STPG2: variants seen among roughly 807,000 people sequenced by gnomAD.
STPG2 encodes sperm tail PG-rich repeat containing 2.
A neutral mutation model predicts 54.2 loss-of-function variants in STPG2; 56 were observed. The ratio of observed to expected loss-of-function variants is 1.03; its 90% CI spans 0.83 to 1.29. The LOEUF (loss-of-function observed/expected upper bound fraction) is 1.29. Ranked by LOEUF, STPG2 falls within the 50% of genes most tolerant of loss-of-function variation. The pLI is 0.00. For missense variants in STPG2, 596 were observed against 544.9 expected (o/e 1.09, Z -0.93); for synonymous variants, 200 against 181.8 (o/e 1.10, Z -0.81).
At chr4:97,942,315 AGT>A (rs1471259408) in intron 8 of STPG2, among the ~76,000 whole-genome samples, 1 of 152,046 alleles carries the variant, frequency 6.6e-6, no homozygotes, top group African/African-American at 2.4e-5. Context: ...GTAATAAATT[AGT>A]CATGGCATAC....
chr4:98,103,573 G>A (rs537283027), intron 5 of STPG2, among the ~76,000 whole-genome samples: 92 of 151,818 alleles, frequency 6.1e-4, no homozygotes, highest in Admixed American at 8.5e-4. Flanking sequence ...CCCAGGAGGC[G>A]GAGGTTGCAG....
At chr4:97,620,240 G>A (rs1043428005) in intron 10 of STPG2, among the ~76,000 whole-genome samples, 1 of 152,158 alleles carries the variant, frequency 6.6e-6, no homozygotes, top group Non-Finnish European at 1.5e-5. Context: ...ATGTAACAAA[G>A]TCTTAATAAA....
rs779834162 is a variant in STPG2 at position 97,531,953 on chromosome 4, C to T, written c.462+180746G>A. Among the ~76,000 whole-genome samples, 18 of 152,072 alleles carry T rather than the reference C, an allele frequency of 1.2e-4. No homozygotes were observed. The East Asian group carries it at 2.3e-3, about 20-fold the overall frequency. On this transcript the variant is annotated intron_variant, in intron 4 of 4. Transcript: ENST00000522676. Reference sequence around the variant, plus strand: ...TGATGTGGTTATTACACATAAAATGCCTGTATCAAAATATCTAATGTACTC... The same window carrying T: ...TGATGTGGTTATTACACATAAAATGTCTGTATCAAAATATCTAATGTACTC...
At chr4:97,563,072 T>C (rs2148876175) in intron 10 of STPG2, among the ~76,000 whole-genome samples, 1 of 152,322 alleles carries the variant, frequency 6.6e-6, no homozygotes. Context: ...CATCTGGTCC[T>C]GGACTCTTTT....
At chr4:97,707,792 T>C (rs989245892) in intron 10 of STPG2, among the ~76,000 whole-genome samples, 3 of 151,988 alleles carry the variant, frequency 2.0e-5, no homozygotes, top group Non-Finnish European at 2.9e-5. Context: ...TAAGGTAGCA[T>C]AGAATCGAAG....
At chr4:97,504,098 TAATA>T (rs925193387) in intron 4 of STPG2, among the ~76,000 whole-genome samples, 181 of 145,692 alleles carry the variant, frequency 1.2e-3, no homozygotes, top group Admixed American at 2.6e-3. Context: ...ATTTAATATT[TAATA>T]AATAAATAAA....
chr4:98,142,314 G>T (rs953830394), intron 1 of STPG2, among the ~76,000 whole-genome samples: 2 of 152,050 alleles, frequency 1.3e-5, no homozygotes, highest in African/African-American at 4.8e-5. Context: ...GGAAAATGTA[G>T]GTTAAGAAAA....
chr4:97,540,150 G>GAC (rs1428753753), intron 4 of STPG2, among the ~76,000 whole-genome samples: 6 of 151,548 alleles, frequency 4.0e-5, no homozygotes, highest in African/African-American at 1.5e-4. Context: ...AGGAGACAGA[G>GAC]ACAAAAAACC....
At chr4:97,890,795 C>T (rs1730739851) in intron 8 of STPG2, among the ~76,000 whole-genome samples, 1 of 151,566 alleles carries the variant, frequency 6.6e-6, no homozygotes, top group Non-Finnish European at 1.5e-5. Flanking sequence ...ACATATGCCC[C>T]CAAAATATGT....
chr4:97,580,860 G>A (rs1383061519), intron 10 of STPG2, among the ~76,000 whole-genome samples: 1 of 151,892 alleles, frequency 6.6e-6, no homozygotes, highest in African/African-American at 2.4e-5. Flanking sequence ...TGGAGATACA[G>A]GTATTTCAAA....
chr4:98,138,467 T>G (rs1393512918), intron 1 of STPG2, among the ~76,000 whole-genome samples: 1 of 152,034 alleles, frequency 6.6e-6, no homozygotes, highest in Non-Finnish European at 1.5e-5. Flanking sequence ...GCAATAAAAG[T>G]CAGTCTACGC....
chr4:97,866,929 T>A (rs1729808856), intron 8 of STPG2, among the ~76,000 whole-genome samples: 1 of 151,966 alleles, frequency 6.6e-6, no homozygotes, highest in Non-Finnish European at 1.5e-5. Context: ...CTTGGGCATT[T>A]GGCTTCCTGA....
intron 7 of STPG2, among the ~76,000 whole-genome samples, chr4:97,966,535 T>C (rs767701332): frequency 1.3e-5 from 2 of 152,030 alleles, no homozygotes; most frequent in Admixed American, 6.6e-5. Flanking sequence ...ACAACAAATA[T>C]ACTTCTTGAG....
intron 5 of STPG2, among the ~76,000 whole-genome samples, chr4:98,093,659 T>C (rs1028980250): frequency 2.6e-5 from 4 of 152,160 alleles, no homozygotes; most frequent in African/African-American, 9.7e-5. Context: ...AGGCAGGGGA[T>C]ATAGTCTTGA....
chr4:97,837,898 C>A (rs1019840737), intron 9 of STPG2, among the ~76,000 whole-genome samples: 3 of 151,530 alleles, frequency 2.0e-5, no homozygotes, highest in African/African-American at 7.3e-5. Context: ...GTTCTTAACA[C>A]TTTTACCTAC....
intron 10 of STPG2, among the ~76,000 whole-genome samples, chr4:97,646,256 C>A (rs1395180245): frequency 2.0e-5 from 3 of 152,118 alleles, no homozygotes; most frequent in African/African-American, 4.8e-5. Context: ...AGGCTATATG[C>A]AGGAAAGTAG....
intron 9 of STPG2, among the ~76,000 whole-genome samples, chr4:97,825,940 T>G (rs148926378): frequency 6.6e-6 from 1 of 152,218 alleles, no homozygotes; most frequent in Non-Finnish European, 1.5e-5. Context: ...ATTAGTTTGC[T>G]AAATGCTTTA....
At chr4:97,977,291 CT>C (rs1400904921) in intron 6 of STPG2, among the ~76,000 whole-genome samples, 1 of 152,120 alleles carries the variant, frequency 6.6e-6, no homozygotes, top group Admixed American at 6.6e-5. Flanking sequence ...ACTGCTATAA[CT>C]AATCAAATTG....
intron 8 of STPG2, among the ~76,000 whole-genome samples, chr4:97,924,216 C>T (rs1356293504): frequency 6.6e-6 from 1 of 152,138 alleles, no homozygotes; most frequent in Non-Finnish European, 1.5e-5. Context: ...GACACACCAC[C>T]TTTAAGAACT....
Sources: allele counts gnomAD v4.1 joint callset (sites outside exome capture counted in the v4.1 genomes callset), GRCh38; gene constraint gnomAD v4.1.1; transcripts MANE v1.5; gene names NCBI Gene and HGNC (gene_info 2026-07-23, HGNC 2026-07-21).